The following DNAH9 variants were observed in gnomAD, a reference collection of about 807,000 sequenced individuals.
DNAH9 encodes DNAH9 variant protein.
DNAH9 carries 345 observed loss-of-function variants against 471.6 expected under a neutral mutation model. That is an observed-to-expected ratio of 0.73 (90% CI 0.67 to 0.80). DNAH9 has a LOEUF of 0.80. Among genes scored for constraint, DNAH9 ranks in the 30% least tolerant of loss-of-function variants. The probability of loss-of-function intolerance (pLI) is 0.00; values close to 1 mark genes in which losing one functional copy is unlikely to be tolerated. For synonymous variants in DNAH9, 2,093 were observed against 2,123.6 expected (o/e 0.99, Z 0.40); for missense variants, 5,407 against 5,609.2 (o/e 0.96, Z 1.15).
At chr17:11,698,246 A>AT (rs2074522477) in intron 22 of DNAH9, among the ~76,000 whole-genome samples, 1 of 46,356 alleles carries the variant, frequency 2.2e-5, no homozygotes, top group Non-Finnish European at 4.8e-5. Flanking sequence ...ATATTATATA[A>AT]TATATTAATA....
intron 50 of DNAH9, among the ~76,000 whole-genome samples, chr17:11,860,056 T>C (rs551756537): frequency 6.6e-6 from 1 of 152,350 alleles, no homozygotes; most frequent in Admixed American, 6.5e-5. Flanking sequence ...GAATACATTC[T>C]CTTCTGTAAC....
intron 67 of DNAH9, among the ~76,000 whole-genome samples, chr17:11,949,434 G>C (rs907164822): frequency 2.0e-5 from 3 of 151,392 alleles, no homozygotes; most frequent in Non-Finnish European, 2.9e-5. Context: ...TTAGGAAACT[G>C]GTTGAATTAA....
chr17:11,901,583 C>A (rs1330755230), intron 59 of DNAH9, among the ~76,000 whole-genome samples: 1 of 152,162 alleles, frequency 6.6e-6, no homozygotes, highest in Non-Finnish European at 1.5e-5. Context: ...GTAGTCCCAG[C>A]TACTCGGGAG....
rs976776573 is a variant in DNAH9 at position 11,742,313 on chromosome 17, G to C, written c.6111G>C (p.Gln2037His). 1.2e-6 allele frequency: 2 copies of C among 1,613,940 alleles called. No homozygotes were observed. Among genetic ancestry groups the C allele is most frequent in the Non-Finnish European group, 1.7e-6 (2 of 1,179,982 alleles). Residue 2037 changes from glutamine to histidine, a missense_variant and splice_region_variant, in exon 30 of 69, where the codon CAG (glutamine) becomes CAC (histidine). Physicochemically the swap from Gln to His is conservative, Grantham distance 24 (BLOSUM62 0). This residue lies in a region of DNAH9 where 4,636 missense variants were observed against 4,900.3 expected (regional missense o/e 0.95). Coordinates refer to ENST00000262442, the MANE Select transcript of DNAH9 (RefSeq NM_001372.4). ...YQLCKELLSK[Q>H]DHYDWGLRAI... ...TGTGCAAAGAGCTTCTCTCCAAACA[G>C]GTAGGATCTCTAGGGAGGCTGTACA...
intron 33 of DNAH9, among the ~76,000 whole-genome samples, chr17:11,753,724 A>C (rs369147622): frequency 6.6e-6 from 1 of 152,346 alleles, no homozygotes; most frequent in East Asian, 1.9e-4. Flanking sequence ...TTTAGAGAGC[A>C]TGTCCAGATT....
intron 6 of DNAH9, among the ~76,000 whole-genome samples, chr17:11,620,622 A>G (rs1256473196): frequency 6.6e-6 from 1 of 152,136 alleles, no homozygotes; most frequent in African/African-American, 2.4e-5. Flanking sequence ...TCATAGACCC[A>G]TTTAGGAAGA....
At chr17:11,898,029 A>G (rs779536203) in intron 59 of DNAH9, among the ~76,000 whole-genome samples, 17 of 152,180 alleles carry the variant, frequency 1.1e-4, no homozygotes, top group Non-Finnish European at 2.4e-4. Context: ...GTGGCAGCAT[A>G]ACTCCAGGGT....
At chr17:11,853,032 A>G (rs1971488079) in intron 49 of DNAH9, among the ~76,000 whole-genome samples, 1 of 151,594 alleles carries the variant, frequency 6.6e-6, no homozygotes, top group African/African-American at 2.4e-5. Context: ...AAATGCCTGA[A>G]TGGTCCCTTT....
Position 11,664,777 on chromosome 17 carries a change from A to G in DNAH9, c.2596-56A>G, listed in dbSNP as rs141679834. The stretch of plus-strand genomic sequence containing the variant: ...TGTTTTTATTTTGACTGTTGATTAC[A>G]CCAGTTCTTTCATGCTATTAAACGA... On this transcript the variant is annotated intron_variant, in intron 14 of 68. Transcript: ENST00000262442. The G allele has an allele frequency of 4.8e-3, 6,897 of 1,425,886 alleles. 77 individuals carry two copies. Among genetic ancestry groups the G allele is most frequent in the Middle Eastern group, 0.043 (243 of 5,662 alleles). The allele number at this position is 1,425,886 out of a possible 1,614,324, so 88.3% of individuals were successfully genotyped here.
intron 50 of DNAH9, among the ~76,000 whole-genome samples, chr17:11,857,669 C>G (rs1451575954): frequency 6.6e-6 from 1 of 152,150 alleles, no homozygotes; most frequent in African/African-American, 2.4e-5. Flanking sequence ...TGTTCCTGCC[C>G]AAATCGCATG....
chr17:11,763,662 C>G (rs1184898771), intron 36 of DNAH9, 48 bp downstream of exon 36: 3 of 1,550,144 alleles, frequency 1.9e-6, no homozygotes, highest in Admixed American at 1.8e-5. Context: ...TCTGTAGCAG[C>G]AAAAACTGAT....
chr17:11,956,606 C>A (rs1975653409), intron 67 of DNAH9, among the ~76,000 whole-genome samples: 1 of 151,952 alleles, frequency 6.6e-6, no homozygotes, highest in Non-Finnish European at 1.5e-5. Flanking sequence ...GGATTAAAAT[C>A]ATACACAGTA....
rs1195765633 is a variant in DNAH9, at chr17:11,906,643, AAAAG to A, written c.11749+838_11749+841del. Among the ~76,000 whole-genome samples, 2,006 of 148,440 alleles carry A rather than the reference AAAAG, an allele frequency of 0.014. 116 individuals are homozygous for A. In the East Asian group the frequency reaches 0.23, roughly 17 times the overall value. On this transcript the variant is annotated intron_variant, in intron 61 of 68. Transcript: ENST00000262442. ...ACTCTGTCTCAAAAAAAAAAAAAAA[AAAAG>A]AAAATGTGATACATATATACCATGG...
intron 7 of DNAH9, among the ~76,000 whole-genome samples, chr17:11,629,800 G>A (rs944343726): frequency 1.3e-5 from 2 of 152,328 alleles, no homozygotes; most frequent in Non-Finnish European, 2.9e-5. Flanking sequence ...AAAGATCAAG[G>A]AGGCCTCTTC....
rs1458865395 is a variant in DNAH9 at position 11,821,934 on chromosome 17, C to G, written c.8722C>G (p.Leu2908Val). 4 of 1,613,214 alleles carry G rather than the reference C, an allele frequency of 2.5e-6. No individual in the cohort carries two copies. Residue 2908 changes from leucine (L) to valine (V), a missense_variant, in exon 46 of 69, where the codon CTC becomes GTC. This residue lies in a region of DNAH9 where 4,636 missense variants were observed against 4,900.3 expected (regional missense o/e 0.95). Coordinates refer to ENST00000262442, the MANE Select transcript of DNAH9 (RefSeq NM_001372.4). ...DLLASGEIPDLYSDDEVENII... is the reference protein window; with the variant it reads ...DLLASGEIPDVYSDDEVENII... ...TTTTTTCCCAGGGGAGATCCCAGATCTCTACTCTGATGATGAAGTTGAAAA... is the reference window on the plus strand; with the variant it reads ...TTTTTTCCCAGGGGAGATCCCAGATGTCTACTCTGATGATGAAGTTGAAAA...
chr17:11,668,889 A>G (rs1027224883), intron 15 of DNAH9, among the ~76,000 whole-genome samples, 175 bp from the exon 16 acceptor site: 31 of 152,168 alleles, frequency 2.0e-4, no homozygotes, highest in African/African-American at 7.5e-4. Context: ...GAAGCACTGC[A>G]AGACTATCAC....
rs1298975786 is a variant in DNAH9, at chr17:11,698,144, G to GTACTATATTAATAATATAT, written c.4873-1585_4873-1584insCTATATTAATAATATATTA. Among the ~76,000 whole-genome samples, 24 of 44,614 alleles carry GTACTATATTAATAATATAT rather than the reference G, an allele frequency of 5.4e-4. 1 individual carries two copies. In the South Asian group the frequency reaches 0.02, roughly 38 times the overall value. The allele number at this position is 44,614 out of a possible 152,430, so 29.3% of individuals were successfully genotyped here. A position where few individuals can be genotyped will look rare whatever the true frequency, so the allele number is the denominator to read the frequency against. On this transcript the variant is annotated intron_variant, in intron 22 of 68. Coordinates refer to ENST00000262442, the MANE Select transcript of DNAH9 (RefSeq NM_001372.4). ...ATATATAATATATAATTATATATTA[G>GTACTATATTAATAATATAT]TATTATATTATTAATATATTATTAT...
chr17:11,969,446 C>T lies in DNAH9; in HGVS notation c.13380C>T (p.Tyr4460=), dbSNP rs1397004034. Reference sequence around the variant, plus strand: ...AGACTAGTCAGCGGGGACCCACCTACGTGTGGACTTTCAACCTGAAGACTA... The same window carrying T: ...AGACTAGTCAGCGGGGACCCACCTATGTGTGGACTTTCAACCTGAAGACTA... The part of the protein sequence containing the change: ...VYKTSQRGPT[Y]VWTFNLKTKE... The change falls in exon 69 of 69, where the codon TAC becomes TAT. Residue 4460 remains tyrosine, a synonymous_variant. Coordinates refer to ENST00000262442, the MANE Select transcript of DNAH9 (RefSeq NM_001372.4). 22 of 1,613,820 alleles carry T rather than the reference C, an allele frequency of 1.4e-5. No individual in the cohort carries two copies. The highest frequency in any genetic ancestry group is 6.7e-5 in the Admixed American group (4 of 59,986).
intron 20 of DNAH9, among the ~76,000 whole-genome samples, chr17:11,693,490 C>G (rs921796510): frequency 1.3e-5 from 2 of 150,668 alleles, no homozygotes; most frequent in Non-Finnish European, 3.0e-5. Context: ...AACTCCTGGC[C>G]TCAAACCATC....
Sources: allele counts gnomAD v4.1 joint callset (sites outside exome capture counted in the v4.1 genomes callset), GRCh38; gene constraint gnomAD v4.1.1; regional missense constraint gnomAD v4.1.1; transcripts MANE v1.5; gene names NCBI Gene and HGNC (gene_info 2026-07-23, HGNC 2026-07-21).